GABRA2: variants seen among roughly 807,000 people sequenced by gnomAD.
The protein encoded by GABRA2 is gamma-aminobutyric acid type A receptor subunit alpha2, also known as gamma-aminobutyric acid receptor subunit alpha-2.
GABRA2 carries 16 observed loss-of-function variants against 48.7 expected under a neutral mutation model. That is an observed-to-expected ratio of 0.33 (90% CI 0.22 to 0.50). The LOEUF is 0.50. GABRA2 is among the 20% of genes least tolerant of loss of function. The probability of loss-of-function intolerance (pLI) is 0.98; values close to 1 mark genes in which losing one functional copy is unlikely to be tolerated. For missense variants in GABRA2, 275 were observed against 535.6 expected, an observed-to-expected ratio of 0.51 and a Z score of 4.80; for synonymous variants, 185 against 184.5, an observed-to-expected ratio of 1.00 and a Z score of -0.02.
intron 8 of GABRA2, among the ~76,000 whole-genome samples, chr4:46,284,196 A>C (rs977389903): frequency 1.6e-4 from 24 of 152,156 alleles, no homozygotes; most frequent in Admixed American, 1.4e-3. Context: ...AAATATAGAG[A>C]TAATACTATT....
At chr4:46,309,774 A>G (rs751001589) in intron 6 of GABRA2, among the ~76,000 whole-genome samples, 13 of 152,110 alleles carry the variant, frequency 8.5e-5, no homozygotes, top group Non-Finnish European at 5.9e-5. Context: ...GCTTCTGTGC[A>G]TGTCATTTGC....
intron 4 of GABRA2, among the ~76,000 whole-genome samples, chr4:46,323,436 G>GT (rs1729799638): frequency 6.6e-6 from 1 of 151,508 alleles, no homozygotes; most frequent in South Asian, 2.1e-4. Flanking sequence ...ACCAAACTCC[G>GT]TATCTACCAC....
At chr4:46,328,637 T>A (rs573188773) in intron 4 of GABRA2, among the ~76,000 whole-genome samples, 32 of 152,186 alleles carry the variant, frequency 2.1e-4, no homozygotes, top group African/African-American at 5.3e-4. Flanking sequence ...ATTCTTTTTT[T>A]TATATATATA....
At chr4:46,325,665 A>C (rs1730230034) in intron 4 of GABRA2, among the ~76,000 whole-genome samples, 1 of 151,964 alleles carries the variant, frequency 6.6e-6, no homozygotes, top group African/African-American at 2.4e-5. Context: ...CTAGGTTCAG[A>C]ATGGCATTTC....
intron 4 of GABRA2, among the ~76,000 whole-genome samples, chr4:46,328,979 A>G (rs1730873701): frequency 6.6e-6 from 1 of 152,066 alleles, no homozygotes; most frequent in Admixed American, 6.6e-5. Context: ...TAATAGACTT[A>G]CAATGTGAGT....
At chr4:46,275,896 C>T (rs1487414558) in intron 8 of GABRA2, among the ~76,000 whole-genome samples, 1 of 151,950 alleles carries the variant, frequency 6.6e-6, no homozygotes, top group Non-Finnish European at 1.5e-5. Flanking sequence ...TAAAGGATAG[C>T]TTTTATTATT....
chr4:46,257,562 T>C (rs1449080704), intron 9 of GABRA2, among the ~76,000 whole-genome samples: 1 of 151,630 alleles, frequency 6.6e-6, no homozygotes, highest in African/African-American at 2.4e-5. Flanking sequence ...AAAAACATAA[T>C]AAAAAATCTT....
At chr4:46,348,814 T>C (rs900726758) in intron 3 of GABRA2, among the ~76,000 whole-genome samples, 3 of 148,910 alleles carry the variant, frequency 2.0e-5, no homozygotes, top group African/African-American at 7.4e-5. Context: ...TTAGGAGATA[T>C]ACCTAATGCT....
chr4:46,332,216 T>C lies in GABRA2; in HGVS notation c.255+399A>G, dbSNP rs1185014234. ...AAAGGGTTTTTTGTTGTTGTTGTTG[T>C]TTTTAAATGTGATACACTGACCATG... On this transcript the variant is annotated intron_variant, in intron 4 of 9. Coordinates refer to ENST00000381620, the MANE Select transcript of GABRA2 (RefSeq NM_000807.4). Among the ~76,000 whole-genome samples, 6 of 152,098 alleles carry C rather than the reference T, an allele frequency of 3.9e-5. No homozygotes were observed. In the East Asian group the frequency reaches 9.6e-4, roughly 24 times the overall value.
chr4:46,300,457 C>G (rs1725542255), intron 8 of GABRA2, among the ~76,000 whole-genome samples: 1 of 151,936 alleles, frequency 6.6e-6, no homozygotes, highest in Non-Finnish European at 1.5e-5. Context: ...GTCCTCTAAT[C>G]TCATATTCAC....
intron 3 of GABRA2, among the ~76,000 whole-genome samples, chr4:46,351,522 C>A (rs892014733): frequency 6.6e-6 from 1 of 151,840 alleles, no homozygotes; most frequent in Non-Finnish European, 1.5e-5. Flanking sequence ...ATGTCCATAC[C>A]TTTTCCAGAC....
In GABRA2 at chr4:46,291,776, CAT is replaced by C. The variant is rs560142153; in HGVS notation, c.856+11682_856+11683del. On this transcript the variant is annotated intron_variant, in intron 8 of 9. Coordinates refer to ENST00000381620, the MANE Select transcript of GABRA2 (RefSeq NM_000807.4). ...AGTTAATACTATTAATAAACACACA[CAT>C]ATATATATATATACATATACATATA... 9.1e-4 allele frequency among the ~76,000 whole-genome samples: 132 copies of C among 144,746 alleles called. 1 individual carries two copies. The highest frequency in any genetic ancestry group is 1.4e-3 in the African/African-American group (56 of 39,096). 95.0% of individuals were successfully genotyped at this position (144,746 alleles called of 152,430 possible).
intron 3 of GABRA2, among the ~76,000 whole-genome samples, chr4:46,355,880 A>G (rs1735877316): frequency 6.6e-6 from 1 of 152,162 alleles, no homozygotes; most frequent in Non-Finnish European, 1.5e-5. Context: ...ACACCTCATC[A>G]GGTTACATAC....
At chr4:46,337,415 G>C (rs1024503657) in intron 3 of GABRA2, among the ~76,000 whole-genome samples, 5 of 152,000 alleles carry the variant, frequency 3.3e-5, no homozygotes, top group African/African-American at 7.2e-5. Context: ...GATGGAATGA[G>C]GTTGTAAAGA....
chr4:46,352,180 A>C (rs1331941977), intron 3 of GABRA2, among the ~76,000 whole-genome samples: 1 of 151,916 alleles, frequency 6.6e-6, no homozygotes, highest in Non-Finnish European at 1.5e-5. Context: ...AATCACTATA[A>C]ATGAGGCTTT....
At chr4:46,274,988 T>C (rs1720201503) in intron 8 of GABRA2, among the ~76,000 whole-genome samples, 1 of 152,120 alleles carries the variant, frequency 6.6e-6, no homozygotes, top group African/African-American at 2.4e-5. Flanking sequence ...CTTAAATGGA[T>C]GCCTAGGAAG....
chr4:46,322,357 G>C (rs1174940486), intron 4 of GABRA2, among the ~76,000 whole-genome samples: 1 of 151,696 alleles, frequency 6.6e-6, no homozygotes, highest in Non-Finnish European at 1.5e-5. Context: ...AAGCCCTGGG[G>C]GTGAAGTAAA....
intron 6 of GABRA2, among the ~76,000 whole-genome samples, chr4:46,305,987 G>T (rs77133156): frequency 0.023 from 3,510 of 152,036 alleles, 139 homozygotes; most frequent in African/African-American, 0.08. Flanking sequence ...AGAATCACTG[G>T]GCCCTTAGAT....
chr4:46,262,175 G>C (rs1386052450), intron 8 of GABRA2, 47 bp from the exon 9 acceptor site: 1 of 1,490,914 alleles, frequency 6.7e-7, no homozygotes, highest in Non-Finnish European at 9.3e-7. Context: ...GGTACTAGCA[G>C]GACAGCATGG....
Sources: allele counts gnomAD v4.1 joint callset (sites outside exome capture counted in the v4.1 genomes callset), GRCh38; gene constraint gnomAD v4.1.1; transcripts MANE v1.5; gene names NCBI Gene and HGNC (gene_info 2026-07-23, HGNC 2026-07-21).